Variants in KYNU observed in about 807,000 individuals in gnomAD.
The protein encoded by KYNU is L-kynurenine hydrolase.
Under a neutral mutation model 59.2 loss-of-function variants are expected in KYNU, and 54 were observed. The observed-to-expected ratio is 0.91, with a 90% CI of 0.73 to 1.14. KYNU has a LOEUF of 1.14. Ranked by LOEUF, KYNU falls within the 50% of genes most tolerant of loss-of-function variation. The probability of loss-of-function intolerance (pLI) is 0.00; values close to 1 mark genes in which losing one functional copy is unlikely to be tolerated. For synonymous variants in KYNU, 177 were observed against 192.0 expected (o/e 0.92, Z 0.65); for missense variants, 567 against 554.4 (o/e 1.02, Z -0.23).
At chr2:142,935,771 G>GA (rs1420255877) in intron 4 of KYNU, among the ~76,000 whole-genome samples, 1 of 152,112 alleles carries the variant, frequency 6.6e-6, no homozygotes, top group Non-Finnish European at 1.5e-5. Context: ...CGGAGGGAAG[G>GA]AAAAAGCCGG....
intron 4 of KYNU, among the ~76,000 whole-genome samples, chr2:142,930,879 G>C (rs1000325414): frequency 1.1e-4 from 17 of 152,196 alleles, no homozygotes; most frequent in Admixed American, 2.0e-4. Flanking sequence ...CACGTCAATA[G>C]ACAACACGAG....
At chr2:142,902,014 G>C (rs545146195) in intron 2 of KYNU, among the ~76,000 whole-genome samples, 1 of 152,278 alleles carries the variant, frequency 6.6e-6, no homozygotes, top group South Asian at 2.1e-4. Context: ...TGCAGCACTG[G>C]CCCTTTAATT....
rs1360641938 is a variant in KYNU at position 143,043,810 on chromosome 2, TA to T, written c.*1639del. On this transcript the variant is annotated 3_prime_UTR_variant, in exon 14 of 14. Coordinates refer to ENST00000264170, the MANE Select transcript of KYNU (RefSeq NM_003937.3). ...ATTTTAATATATTTATATAAATATA[TA>T]TAAAGTATAATATATATAAAGTATA... 6 of 147,140 alleles carry T rather than the reference TA, an allele frequency of 4.1e-5. No individual in the cohort carries two copies. The highest frequency in any genetic ancestry group is 6.9e-5 in the Admixed American group (1 of 14,558). The allele number at this position is 147,140 out of a possible 1,614,324, so 9.1% of individuals were successfully genotyped here.
At position 143,053,360 on chromosome 2, in the gene KYNU, C is replaced by A. The variant is rs1222338421; in HGVS notation, c.*11188C>A. 1 of 152,198 alleles carries A rather than the reference C, an allele frequency of 6.6e-6. No homozygotes were observed. The highest frequency in any genetic ancestry group is 6.5e-5 in the Admixed American group (1 of 15,278). 9.4% of individuals were successfully genotyped at this position (152,198 alleles called of 1,614,324 possible). On this transcript the variant is annotated 3_prime_UTR_variant, in exon 14 of 14. Coordinates refer to ENST00000264170, the MANE Select transcript of KYNU (RefSeq NM_003937.3). The stretch of plus-strand genomic sequence containing the variant: ...TCTTTAAGCTTTGTCTCTGATGAGA[C>A]TTTGGACTGCGGACTTTTGAGTTAA...
intron 4 of KYNU, among the ~76,000 whole-genome samples, chr2:142,951,248 TAACAAA>T (rs1395549189): frequency 1.3e-5 from 2 of 152,134 alleles, no homozygotes; most frequent in African/African-American, 2.4e-5. Flanking sequence ...ACAGTTTGTT[TAACAAA>T]CAAACAAACA....
chr2:143,032,735 G>GTGTGTGTGTGTT (rs1159733993), intron 11 of KYNU, among the ~76,000 whole-genome samples: 1 of 151,430 alleles, frequency 6.6e-6, no homozygotes, highest in African/African-American at 2.4e-5. Context: ...GTGTGTGTGT[G>GTGTGTGTGTGTT]TGTGTGTCTG....
chr2:142,889,624 T>A (rs1681636713), intron 2 of KYNU, among the ~76,000 whole-genome samples: 1 of 152,208 alleles, frequency 6.6e-6, no homozygotes, highest in Non-Finnish European at 1.5e-5. Flanking sequence ...GAATACTATG[T>A]TCTGACCCCC....
At chr2:142,980,129 T>C (rs777543796) in intron 8 of KYNU, among the ~76,000 whole-genome samples, 11 of 152,186 alleles carry the variant, frequency 7.2e-5, no homozygotes, top group South Asian at 2.1e-4. Context: ...AACTTCCTGA[T>C]GTTTTCATGG....
At chr2:142,960,857 T>G in intron 8 of KYNU, 87 bp downstream of exon 8, 2 of 1,359,716 alleles carry the variant, frequency 1.5e-6, no homozygotes, top group Non-Finnish European at 2.1e-6. Flanking sequence ...TGAAGTACTT[T>G]AGCTTGTGTC....
intron 5 of KYNU, among the ~76,000 whole-genome samples, chr2:142,955,291 A>C (rs1020663060): frequency 1.6e-4 from 25 of 152,204 alleles, no homozygotes; most frequent in African/African-American, 5.8e-4. Context: ...GGAGTATTAA[A>C]TTTTTAAAAA....
intron 4 of KYNU, among the ~76,000 whole-genome samples, chr2:142,936,177 G>A (rs530222781): frequency 2.6e-4 from 40 of 152,266 alleles, no homozygotes; most frequent in South Asian, 2.3e-3. Context: ...AACAAGAATT[G>A]TAGAGGTCGG....
At chr2:143,018,979 G>A (rs982824474) in intron 10 of KYNU, among the ~76,000 whole-genome samples, 1 of 151,990 alleles carries the variant, frequency 6.6e-6, no homozygotes, top group Admixed American at 6.6e-5. Context: ...TTTTTACATT[G>A]ATTTTGTGGC....
At chr2:143,010,798 A>T (rs1315191139) in intron 10 of KYNU, among the ~76,000 whole-genome samples, 2 of 143,036 alleles carry the variant, frequency 1.4e-5, no homozygotes, top group Admixed American at 7.0e-5. Context: ...CCTGAGAAAA[A>T]CAAGCAATGG....
At chr2:142,898,265 T>C (rs1363230110) in intron 2 of KYNU, among the ~76,000 whole-genome samples, 1 of 152,068 alleles carries the variant, frequency 6.6e-6, no homozygotes, top group African/African-American at 2.4e-5. Context: ...TCTTTTTTTT[T>C]TTCATACTTC....
intron 2 of KYNU, 83 bp downstream of exon 2, chr2:142,885,619 C>A: frequency 8.1e-7 from 1 of 1,236,734 alleles, no homozygotes; most frequent in South Asian, 1.3e-5. Flanking sequence ...CTTTGAAAAT[C>A]ATTGTTGTAT....
intron 10 of KYNU, among the ~76,000 whole-genome samples, chr2:142,999,932 C>T (rs1408408251): frequency 1.3e-5 from 2 of 151,568 alleles, no homozygotes; most frequent in Non-Finnish European, 2.9e-5. Context: ...TTCATCTTAC[C>T]AAGTTGCAAT....
intron 3 of KYNU, among the ~76,000 whole-genome samples, chr2:142,921,447 A>G (rs1257207501): frequency 6.6e-6 from 1 of 152,178 alleles, no homozygotes; most frequent in Non-Finnish European, 1.5e-5. Context: ...ATAGTGGCTC[A>G]TGGCTGTATT....
chr2:142,950,292 T>C (rs1683944154), intron 4 of KYNU, among the ~76,000 whole-genome samples: 1 of 152,242 alleles, frequency 6.6e-6, no homozygotes, highest in African/African-American at 2.4e-5. Context: ...TTTGGATATC[T>C]TTTCAGCAAT....
intron 8 of KYNU, among the ~76,000 whole-genome samples, chr2:142,984,285 T>G (rs1685135234): frequency 6.6e-6 from 1 of 152,082 alleles, no homozygotes; most frequent in African/African-American, 2.4e-5. Context: ...TACTACTATA[T>G]TCATCAGAAT....
Sources: gnomAD v4.1 joint callset for allele counts (sites outside exome capture counted in the v4.1 genomes callset) on GRCh38, gnomAD v4.1.1 for gene constraint, MANE v1.5 for transcripts, NCBI Gene and HGNC (gene_info 2026-07-23, HGNC 2026-07-21) for gene names.